The following ITPR1 variants were observed in gnomAD, a reference collection of about 807,000 sequenced individuals.
The protein encoded by ITPR1 is inositol 1,4,5-trisphosphate-gated calcium channel ITPR1.
In ITPR1, 96 loss-of-function variants were observed where a neutral mutation model predicts 318.4. The ratio of observed to expected loss-of-function variants is 0.30; its 90% CI spans 0.26 to 0.36. The LOEUF (loss-of-function observed/expected upper bound fraction) is 0.36, where lower values mean the gene tolerates loss of function less well. Among genes scored for constraint, ITPR1 ranks in the 10% least tolerant of loss-of-function variants. ITPR1 has a pLI of 1.00. For synonymous variants in ITPR1, 1,312 were observed against 1,289.9 expected (o/e 1.02, Z -0.37); for missense variants, 2,440 against 3,460.2 (o/e 0.71, Z 7.40).
chr3:4,651,369 A>T (rs888551824), intron 10 of ITPR1, among the ~76,000 whole-genome samples: 5 of 152,130 alleles, frequency 3.3e-5, no homozygotes, highest in Non-Finnish European at 7.4e-5. Context: ...CTAAACTTTG[A>T]TCTGTCTCCT....
chr3:4,730,247 T>C (rs1399695421), intron 42 of ITPR1, among the ~76,000 whole-genome samples: 2 of 144,896 alleles, frequency 1.4e-5, no homozygotes, highest in Non-Finnish European at 1.5e-5. Flanking sequence ...AAAACCTTGC[T>C]CTCTGGTTTT....
intron 52 of ITPR1, among the ~76,000 whole-genome samples, chr3:4,789,401 G>A (rs1575255880): frequency 6.6e-6 from 1 of 152,132 alleles, no homozygotes; most frequent in South Asian, 2.1e-4. Context: ...CATGAACATG[G>A]AAACTTTTGC....
intron 39 of ITPR1, among the ~76,000 whole-genome samples, chr3:4,714,613 T>G (rs1436006743): frequency 6.6e-6 from 1 of 152,206 alleles, no homozygotes; most frequent in Non-Finnish European, 1.5e-5. Flanking sequence ...AGGTGTCCTC[T>G]CCAGCCTCTC....
rs1203781045 is a variant in ITPR1 at position 4,779,723 on chromosome 3, C to A, written c.6387+78C>A. 1.4e-5 allele frequency: 14 copies of A among 994,586 alleles called. 1 individual carries two copies. Among genetic ancestry groups the A allele is most frequent in the Non-Finnish European group, 2.2e-5 (14 of 638,304 alleles). The allele number at this position is 994,586 out of a possible 1,614,324, so 61.6% of individuals were successfully genotyped here. Reference sequence around the variant, plus strand: ...TTGGGACAGAGCAGAGGATCTGCTTCCTGGAGCTTTCTTGAAGGTTCCCAA... The same window carrying A: ...TTGGGACAGAGCAGAGGATCTGCTTACTGGAGCTTTCTTGAAGGTTCCCAA... On this transcript the variant is annotated intron_variant, in intron 49 of 61. Transcript: ENST00000649015. The surrounding 1 kb of genome is among the most constrained non-coding windows in gnomAD (Gnocchi z 4.0).
At chr3:4,813,285 G>A in intron 57 of ITPR1, 51 bp downstream of exon 57, 4 of 1,266,924 alleles carry the variant, frequency 3.2e-6, no homozygotes, top group Non-Finnish European at 4.5e-6. Context: ...TCCTCCAGAG[G>A]CTTAGCTGAT....
intron 4 of ITPR1, among the ~76,000 whole-genome samples, chr3:4,625,650 G>A (rs149590452): frequency 0.032 from 4,921 of 151,816 alleles, 270 homozygotes; most frequent in African/African-American, 0.11. Context: ...TCTGCCTCCC[G>A]GGTTCACACC....
intron 4 of ITPR1, among the ~76,000 whole-genome samples, chr3:4,536,055 G>C (rs2083841659): frequency 6.6e-6 from 1 of 152,176 alleles, no homozygotes; most frequent in Non-Finnish European, 1.5e-5. Flanking sequence ...GAATGAAGTG[G>C]CTTCCAGATT....
chr3:4,575,412 A>G (rs1374467338), intron 4 of ITPR1, among the ~76,000 whole-genome samples: 1 of 152,234 alleles, frequency 6.6e-6, no homozygotes, highest in African/African-American at 2.4e-5. Context: ...TGGAAGTTAA[A>G]ATATGCTTGG....
At chr3:4,776,671 A>G (rs746089899) in intron 47 of ITPR1, among the ~76,000 whole-genome samples, 6 of 152,234 alleles carry the variant, frequency 3.9e-5, no homozygotes, top group African/African-American at 1.2e-4. Flanking sequence ...AAAAAATACA[A>G]CAGGCTTGGG....
intron 4 of ITPR1, among the ~76,000 whole-genome samples, chr3:4,544,915 C>T (rs1358849621): frequency 6.6e-6 from 1 of 152,114 alleles, no homozygotes; most frequent in Non-Finnish European, 1.5e-5. Context: ...CCACTTCAGC[C>T]CCCAAGTAGC....
At chr3:4,842,371 CTTTGT>C (rs2051411641) in intron 61 of ITPR1, among the ~76,000 whole-genome samples, 1 of 152,138 alleles carries the variant, frequency 6.6e-6, no homozygotes, top group Admixed American at 6.5e-5. Context: ...GGGTTTTTTG[CTTTGT>C]TTTGTTTTTG....
At position 4,691,215 on chromosome 3, in the gene ITPR1, A is replaced by G; in HGVS notation, c.3900A>G (p.Arg1300=). Residue 1300 remains arginine (R), a synonymous_variant, in exon 32 of 62, where the codon AGA becomes AGG. Transcript: ENST00000649015. ...NFQLCSEINE[R]VVQHFVHCIE... ...AGCTTTGCAGTGAGATCAACGAGAG[A>G]GTTGTTCAGCACTTCGTTCACTGCA... The G allele has an allele frequency of 1.9e-6, 3 of 1,613,314 alleles. No individual in the cohort carries two copies. The Admixed American group carries it at 5.0e-5, about 27-fold the overall frequency.
chr3:4,748,341 G>A (rs2044256794), intron 44 of ITPR1, among the ~76,000 whole-genome samples: 1 of 152,218 alleles, frequency 6.6e-6, no homozygotes, highest in South Asian at 2.1e-4. Context: ...TTTGGGGTGG[G>A]AACAGGCTGC....
chr3:4,770,517 C>T (rs2046117455), intron 46 of ITPR1, among the ~76,000 whole-genome samples: 1 of 152,170 alleles, frequency 6.6e-6, no homozygotes, highest in African/African-American at 2.4e-5. Context: ...CCACTGTCGG[C>T]CAGGCTGGAC....
chr3:4,582,832 T>G (rs1279246084), intron 4 of ITPR1, among the ~76,000 whole-genome samples: 2 of 152,204 alleles, frequency 1.3e-5, no homozygotes, highest in Non-Finnish European at 2.9e-5. Flanking sequence ...GAATGTGTTC[T>G]CCTTCTTCCA....
chr3:4,550,464 G>T (rs1056799931), intron 4 of ITPR1, among the ~76,000 whole-genome samples: 1 of 152,168 alleles, frequency 6.6e-6, no homozygotes, highest in South Asian at 2.1e-4. Flanking sequence ...ATAAATGATT[G>T]CAGACTATTG....
rs556189860 is a variant in ITPR1, at chr3:4,593,340, G to T, written c.164-34423G>T. Among the ~76,000 whole-genome samples, 10 of 152,244 alleles carry T rather than the reference G, an allele frequency of 6.6e-5. No homozygotes were observed. The East Asian group carries it at 1.7e-3, about 26-fold the overall frequency. ...TTTGTAAAAAGGAGGCTTAGACAAG[G>T]TCACATTTAGCTCTAAAACTTTATG... On this transcript the variant is annotated intron_variant, in intron 4 of 61. Coordinates refer to ENST00000649015, the MANE Select transcript of ITPR1 (RefSeq NM_001378452.1).
At chr3:4,800,633 G>C (rs41311601) in intron 54 of ITPR1, 33 bp downstream of exon 54, 3 of 1,605,010 alleles carry the variant, frequency 1.9e-6, no homozygotes, top group Admixed American at 1.7e-5. Context: ...CCACTGTTTT[G>C]TTTGCAGATT....
At position 4,781,019 on chromosome 3, in the gene ITPR1, A is replaced by C. The variant is rs142602528; in HGVS notation, c.6387+1374A>C. On this transcript the variant is annotated intron_variant, in intron 49 of 61. Coordinates refer to ENST00000649015, the MANE Select transcript of ITPR1 (RefSeq NM_001378452.1). ...AACACTGTTCTAAGAATCCAAATAG[A>C]ACACGTGTGTACATGCATGTGTGCG... 2.0e-5 allele frequency among the ~76,000 whole-genome samples: 3 copies of C among 152,332 alleles called. No individual in the cohort carries two copies. In the East Asian group the frequency reaches 5.8e-4, roughly 29 times the overall value.
Sources: gnomAD v4.1 joint callset for allele counts (sites outside exome capture counted in the v4.1 genomes callset) on GRCh38, gnomAD v4.1.1 for gene constraint, Gnocchi (gnomAD v3.1) non-coding constraint, MANE v1.5 for transcripts, NCBI Gene and HGNC (gene_info 2026-07-23, HGNC 2026-07-21) for gene names.